Variants in TBC1D22A observed in about 807,000 individuals in gnomAD.
The protein encoded by TBC1D22A is TBC1 domain family member 22A.
Under a neutral mutation model 60.2 loss-of-function variants are expected in TBC1D22A, and 38 were observed. That is an observed-to-expected ratio of 0.63 (90% CI 0.49 to 0.83). TBC1D22A has a LOEUF of 0.83. Ranked by LOEUF, TBC1D22A falls within the 40% of genes least tolerant of loss-of-function variation. The pLI is 0.00. For missense variants in TBC1D22A, 628 were observed against 701.0 expected, an observed-to-expected ratio of 0.90 and a Z score of 1.18; for synonymous variants, 302 against 281.7, an observed-to-expected ratio of 1.07 and a Z score of -0.72.
At chr22:46,989,897 G>A (rs1323011595) in intron 9 of TBC1D22A, among the ~76,000 whole-genome samples, 1 of 152,052 alleles carries the variant, frequency 6.6e-6, no homozygotes, top group Admixed American at 6.6e-5. Flanking sequence ...CTGTCTCCCA[G>A]GCTTAAGTGA....
At position 46,762,773 on chromosome 22, in the gene TBC1D22A, G is replaced by A; in HGVS notation, c.-14G>A. On this transcript the variant is annotated 5_prime_UTR_variant, in exon 1 of 13. Coordinates refer to ENST00000337137, the MANE Select transcript of TBC1D22A (RefSeq NM_014346.5). ...GGGTGTCTGGGCCGCGGGTCTGAGGGATGAGGAGGGGCCATGGCCAGCGAC... is the reference window on the plus strand; with the variant it reads ...GGGTGTCTGGGCCGCGGGTCTGAGGAATGAGGAGGGGCCATGGCCAGCGAC... The A allele has an allele frequency of 6.9e-7, 1 of 1,439,338 alleles. No individual in the cohort carries two copies. The highest frequency in any genetic ancestry group is 1.5e-5 in the South Asian group (1 of 66,644). The allele number at this position is 1,439,338 out of a possible 1,614,324, so 89.2% of individuals were successfully genotyped here. A position where few individuals can be genotyped will look rare whatever the true frequency, so the allele number is the denominator to read the frequency against.
intron 11 of TBC1D22A, among the ~76,000 whole-genome samples, chr22:47,051,558 C>G (rs1802445749): frequency 6.6e-6 from 1 of 152,154 alleles, no homozygotes; most frequent in South Asian, 2.1e-4. Flanking sequence ...CCGGTGGAGG[C>G]CCTGGTGATT....
intron 10 of TBC1D22A, among the ~76,000 whole-genome samples, chr22:47,007,439 G>C (rs1261716429): frequency 6.6e-6 from 1 of 152,258 alleles, no homozygotes; most frequent in African/African-American, 2.4e-5. Context: ...GGGAGAGGCA[G>C]AGGAGCCCTT....
chr22:47,145,614 A>G (rs2067259580), intron 12 of TBC1D22A, among the ~76,000 whole-genome samples: 1 of 152,240 alleles, frequency 6.6e-6, no homozygotes, highest in Admixed American at 6.5e-5. Flanking sequence ...GAGGCATGCT[A>G]GGCAGTTCGT....
intron 9 of TBC1D22A, among the ~76,000 whole-genome samples, chr22:46,989,383 A>G (rs905506373): frequency 4.6e-5 from 7 of 151,544 alleles, no homozygotes; most frequent in African/African-American, 1.7e-4. Context: ...GGCTTGTCTC[A>G]GCTTTTTGCA....
Position 46,985,762 on chromosome 22 carries a change from G to A in TBC1D22A, c.1125+11363G>A, listed in dbSNP as rs118116636. On this transcript the variant is annotated intron_variant, in intron 9 of 12. Transcript: ENST00000337137. ...TCTAGTGGCCTGTTAAGTTCTGGCT[G>A]TTCCACGTCAGAATGCGATTTCTCC... Among the ~76,000 whole-genome samples the A allele has an allele frequency of 5.9e-5, 9 of 152,282 alleles. No homozygotes were observed. In the East Asian group the frequency reaches 1.5e-3, roughly 26 times the overall value.
chr22:47,014,099 C>A (rs1157827501), intron 10 of TBC1D22A, among the ~76,000 whole-genome samples: 1 of 152,192 alleles, frequency 6.6e-6, no homozygotes, highest in Admixed American at 6.5e-5. Flanking sequence ...TCCTGTGTCC[C>A]CGCCATGCCC....
At chr22:46,919,346 C>G (rs543763567) in intron 8 of TBC1D22A, among the ~76,000 whole-genome samples, 2 of 152,362 alleles carry the variant, frequency 1.3e-5, no homozygotes, top group South Asian at 2.1e-4. Flanking sequence ...TTCCTTCATT[C>G]CGTAGCCAGG....
At chr22:46,795,587 G>A (rs1436687691) in intron 3 of TBC1D22A, among the ~76,000 whole-genome samples, 1 of 152,210 alleles carries the variant, frequency 6.6e-6, no homozygotes, top group Non-Finnish European at 1.5e-5. Flanking sequence ...TGCCTGCCTT[G>A]GAGTTGGCCA....
At chr22:46,793,955 C>A (rs1393029924) in intron 3 of TBC1D22A, 114 bp downstream of exon 3, 2 of 1,044,966 alleles carry the variant, frequency 1.9e-6, no homozygotes, top group South Asian at 1.7e-5. Context: ...TGCAGCAGGC[C>A]CCCTGGCCCA....
Position 46,904,130 on chromosome 22 carries a change from T to G in TBC1D22A, c.901-7944T>G, listed in dbSNP as rs367726095. ...ATCTATCTATCTATCTATCTATCTA[T>G]CTATCTATCTATCTACCTACCTACC... is the stretch of plus-strand genomic sequence containing the variant. On this transcript the variant is annotated intron_variant, in intron 7 of 12. Transcript: ENST00000337137. 2.5e-4 allele frequency among the ~76,000 whole-genome samples: 24 copies of G among 96,780 alleles called. 1 individual carries two copies. The highest frequency in any genetic ancestry group is 8.7e-4 in the East Asian group (3 of 3,452). The allele number at this position is 96,780 out of a possible 152,430, so 63.5% of individuals were successfully genotyped here.
Position 47,037,146 on chromosome 22 carries a change from T to A in TBC1D22A, c.1277T>A (p.Leu426Gln), listed in dbSNP as rs1197126354. The A allele has an allele frequency of 1.2e-6, 2 of 1,613,940 alleles. No homozygotes were observed. The highest frequency in any genetic ancestry group is 1.7e-5 in the Admixed American group (1 of 60,030). The change falls in exon 11 of 13, where the codon CTG becomes CAG. Residue 426 changes from leucine (L) to glutamine (Q), a missense_variant. Coordinates refer to ENST00000337137, the MANE Select transcript of TBC1D22A (RefSeq NM_014346.5). Reference sequence around the variant, plus strand: ...GCCTTCCGCTGGATGAACAACCTGCTGATGAGGGAGGTGCCCCTGCGTTGT... The same window carrying A: ...GCCTTCCGCTGGATGAACAACCTGCAGATGAGGGAGGTGCCCCTGCGTTGT... Reference protein sequence around the residue: ...QFAFRWMNNLLMREVPLRCTI... With the variant: ...QFAFRWMNNLQMREVPLRCTI...
intron 10 of TBC1D22A, among the ~76,000 whole-genome samples, chr22:47,027,652 C>T (rs138906911): frequency 5.3e-5 from 8 of 152,270 alleles, no homozygotes; most frequent in Non-Finnish European, 1.2e-4. Context: ...AAACACAGAG[C>T]GTCTTTGTGT....
intron 4 of TBC1D22A, among the ~76,000 whole-genome samples, chr22:46,860,596 C>G (rs112767211): frequency 4.7e-4 from 70 of 149,202 alleles, no homozygotes; most frequent in South Asian, 1.1e-3. Context: ...CTTCCCGGGA[C>G]CAGAATCCTT....
chr22:46,872,209 G>C (rs894314778), intron 4 of TBC1D22A, among the ~76,000 whole-genome samples: 2 of 152,118 alleles, frequency 1.3e-5, no homozygotes, highest in Non-Finnish European at 2.9e-5. Flanking sequence ...TCGGTGAACT[G>C]TATCAAACAT....
chr22:47,007,524 G>C (rs1435754947), intron 10 of TBC1D22A, among the ~76,000 whole-genome samples: 1 of 152,178 alleles, frequency 6.6e-6, no homozygotes, highest in Non-Finnish European at 1.5e-5. Context: ...ACAGGCTGGT[G>C]GCTTAAAGCA....
At chr22:46,830,206 G>A (rs1276313315) in intron 4 of TBC1D22A, among the ~76,000 whole-genome samples, 1 of 152,252 alleles carries the variant, frequency 6.6e-6, no homozygotes, top group Non-Finnish European at 1.5e-5. Context: ...GCGAGTGACT[G>A]GAGGCAGGCT....
At chr22:46,932,722 T>C (rs2071424727) in intron 8 of TBC1D22A, among the ~76,000 whole-genome samples, 1 of 19,216 alleles carries the variant, frequency 5.2e-5, no homozygotes, top group East Asian at 1.9e-3. Flanking sequence ...CCTTCTTGCT[T>C]TTTTTTTTTT....
rs189449063 is a variant in TBC1D22A, at chr22:47,027,066, A to G, written c.1202-10005A>G. Among the ~76,000 whole-genome samples, 451 of 152,384 alleles carry G rather than the reference A, an allele frequency of 3.0e-3. 1 individual carries two copies. Among genetic ancestry groups the G allele is most frequent in the South Asian group, 0.013 (63 of 4,832 alleles). ...CATGTTGTTGCCATTGAGATAAGAA[A>G]AGAGATCAGTGGAATAGAAGAGAGT... On this transcript the variant is annotated intron_variant, in intron 10 of 12. Transcript: ENST00000337137.
Sources: allele counts gnomAD v4.1 joint callset (sites outside exome capture counted in the v4.1 genomes callset), GRCh38; gene constraint gnomAD v4.1.1; transcripts MANE v1.5; gene names NCBI Gene and HGNC (gene_info 2026-07-23, HGNC 2026-07-21).